The following ITGA9 variants were observed in gnomAD, a reference collection of about 807,000 sequenced individuals.
ITGA9 encodes the protein integrin alpha-9.
A neutral mutation model predicts 127.8 loss-of-function variants in ITGA9; 56 were observed. The ratio of observed to expected loss-of-function variants is 0.44; its 90% CI spans 0.35 to 0.55. The LOEUF is 0.55. ITGA9 is among the 20% of genes least tolerant of loss of function. ITGA9 has a pLI of 0.00. For missense variants in ITGA9, 1,196 were observed against 1,347.1 expected, an observed-to-expected ratio of 0.89 and a Z score of 1.76; for synonymous variants, 508 against 514.5, an observed-to-expected ratio of 0.99 and a Z score of 0.17.
chr3:37,463,545 CAG>C (rs1359116767), intron 1 of ITGA9, among the ~76,000 whole-genome samples: 2 of 152,182 alleles, frequency 1.3e-5, no homozygotes, highest in African/African-American at 4.8e-5. Flanking sequence ...ACAGAACAAT[CAG>C]AGGCTTGCAT....
At chr3:37,592,198 C>G (rs1280554801) in intron 15 of ITGA9, among the ~76,000 whole-genome samples, 4 of 152,170 alleles carry the variant, frequency 2.6e-5, no homozygotes, top group Admixed American at 6.5e-5. Flanking sequence ...AAAGGTAACC[C>G]TGTGTATACC....
At chr3:37,750,392 T>C in intron 22 of ITGA9, 70 bp from the exon 23 acceptor site, 1 of 912,242 alleles carries the variant, frequency 1.1e-6, no homozygotes, top group East Asian at 2.4e-5. Context: ...TTAGAATATA[T>C]ATTGCATGAC....
At chr3:37,771,695 AAAC>A (rs1293918795) in intron 23 of ITGA9, among the ~76,000 whole-genome samples, 1 of 152,152 alleles carries the variant, frequency 6.6e-6, no homozygotes, top group Non-Finnish European at 1.5e-5. Flanking sequence ...TGCCTTCCAG[AAAC>A]AACATTCCAG....
chr3:37,728,017 A>G (rs1435415999), intron 18 of ITGA9, among the ~76,000 whole-genome samples: 1 of 152,246 alleles, frequency 6.6e-6, no homozygotes, highest in Non-Finnish European at 1.5e-5. Context: ...ATTGTATTGT[A>G]GTCAGATAAT....
At chr3:37,531,945 C>G (rs1394023957) in intron 13 of ITGA9, among the ~76,000 whole-genome samples, 4 of 152,086 alleles carry the variant, frequency 2.6e-5, no homozygotes. Flanking sequence ...CTAGAGAAGG[C>G]TTCCTCAGGG....
intron 17 of ITGA9, among the ~76,000 whole-genome samples, chr3:37,679,052 A>G (rs895167653): frequency 6.6e-6 from 1 of 152,258 alleles, no homozygotes; most frequent in Non-Finnish European, 1.5e-5. Flanking sequence ...TGAGCAATAT[A>G]TTTTCAGCAG....
chr3:37,779,620 C>A (rs949580101), intron 24 of ITGA9, among the ~76,000 whole-genome samples: 2 of 151,500 alleles, frequency 1.3e-5, no homozygotes, highest in Non-Finnish European at 2.9e-5. Context: ...AAAAAAAAAA[C>A]AATTATTTCT....
chr3:37,702,296 A>G (rs187383013), intron 18 of ITGA9, among the ~76,000 whole-genome samples: 269 of 152,322 alleles, frequency 1.8e-3, no homozygotes, highest in Middle Eastern at 0.014. Flanking sequence ...ATTTGAGCCC[A>G]GCTTGTCTGG....
chr3:37,502,721 GC>G (rs1217822266), intron 5 of ITGA9, among the ~76,000 whole-genome samples: 2 of 152,330 alleles, frequency 1.3e-5, no homozygotes, highest in Non-Finnish European at 2.9e-5. Flanking sequence ...GAGTACTAGT[GC>G]ACAGTTTCCT....
intron 21 of ITGA9, among the ~76,000 whole-genome samples, chr3:37,742,098 C>T (rs1003995539): frequency 6.6e-5 from 10 of 152,194 alleles, no homozygotes; most frequent in African/African-American, 2.2e-4. Context: ...ATTCCATATA[C>T]CTTTATGTGC....
intron 5 of ITGA9, among the ~76,000 whole-genome samples, chr3:37,500,792 G>A (rs1698779792): frequency 1.3e-5 from 2 of 152,316 alleles, no homozygotes; most frequent in Non-Finnish European, 2.9e-5. Context: ...TGAAATATAT[G>A]TGGGTGACCA....
intron 15 of ITGA9, among the ~76,000 whole-genome samples, chr3:37,594,626 A>T (rs1455965710): frequency 6.6e-6 from 1 of 152,146 alleles, no homozygotes; most frequent in Non-Finnish European, 1.5e-5. Context: ...CAGGTCCCTG[A>T]ACTGCTCAGC....
At chr3:37,741,699 A>C in intron 20 of ITGA9, 31 bp from the exon 21 acceptor site, 1 of 1,566,750 alleles carries the variant, frequency 6.4e-7, no homozygotes, top group East Asian at 2.3e-5. Flanking sequence ...AGTGTTGGCC[A>C]GCGTTCATTC....
At chr3:37,768,206 G>T (rs896496452) in intron 23 of ITGA9, among the ~76,000 whole-genome samples, 2 of 152,058 alleles carry the variant, frequency 1.3e-5, no homozygotes, top group Non-Finnish European at 2.9e-5. Flanking sequence ...AATTTGAAGG[G>T]CTCTTTAAGG....
chr3:37,668,767 G>C (rs1053508243), intron 17 of ITGA9, among the ~76,000 whole-genome samples: 1 of 152,168 alleles, frequency 6.6e-6, no homozygotes, highest in African/African-American at 2.4e-5. Context: ...TGAGCCACCT[G>C]ATATAACCTC....
chr3:37,771,802 A>C (rs1346268445), intron 23 of ITGA9, among the ~76,000 whole-genome samples: 1 of 151,880 alleles, frequency 6.6e-6, no homozygotes, highest in Non-Finnish European at 1.5e-5. Context: ...TCTAGGCAGG[A>C]GTCATTTTTT....
intron 20 of ITGA9, among the ~76,000 whole-genome samples, chr3:37,740,133 T>G (rs1352136348): frequency 6.6e-6 from 1 of 152,182 alleles, no homozygotes; most frequent in Non-Finnish European, 1.5e-5. Flanking sequence ...ATTTAAGTGC[T>G]GTTGCCATTC....
chr3:37,681,774 G>A lies in ITGA9; in HGVS notation c.1917-2091G>A, dbSNP rs563995978. On this transcript the variant is annotated intron_variant, in intron 17 of 27. Coordinates refer to ENST00000264741, the MANE Select transcript of ITGA9 (RefSeq NM_002207.3). ...CATCTTCAGCCTCAGCCTTATCACC[G>A]TTCTCATCCTAGCCCCGTTCACTCA... Among the ~76,000 whole-genome samples the A allele has an allele frequency of 1.1e-3, 160 of 152,026 alleles. 1 individual carries two copies. Among genetic ancestry groups the A allele is most frequent in the African/African-American group, 3.5e-3 (147 of 41,460 alleles).
chr3:37,640,763 A>G (rs1700324664), intron 16 of ITGA9, among the ~76,000 whole-genome samples: 2 of 152,216 alleles, frequency 1.3e-5, no homozygotes, highest in South Asian at 4.1e-4. Flanking sequence ...CAGGCTGTGC[A>G]GTGAGATCAG....
Sources: gnomAD v4.1 joint callset for allele counts (sites outside exome capture counted in the v4.1 genomes callset) on GRCh38, gnomAD v4.1.1 for gene constraint, MANE v1.5 for transcripts, NCBI Gene and HGNC (gene_info 2026-07-23, HGNC 2026-07-21) for gene names.